The following CHD7 variants were observed in gnomAD, a reference collection of about 807,000 sequenced individuals.
The protein encoded by CHD7 is chromodomain helicase DNA binding protein 7.
Under a neutral mutation model 307.3 loss-of-function variants are expected in CHD7, and 24 were observed. That is an observed-to-expected ratio of 0.08 (90% CI 0.06 to 0.11). The LOEUF (loss-of-function observed/expected upper bound fraction) is 0.11, where lower values mean the gene tolerates loss of function less well. Among genes scored for constraint, CHD7 ranks in the 10% least tolerant of loss-of-function variants. The probability of loss-of-function intolerance (pLI) is 1.00; values close to 1 mark genes in which losing one functional copy is unlikely to be tolerated. For missense variants in CHD7, 3,106 were observed against 3,727.1 expected, an observed-to-expected ratio of 0.83 and a Z score of 4.34; for synonymous variants, 1,363 against 1,349.9, an observed-to-expected ratio of 1.01 and a Z score of -0.21.
intron 6 of CHD7, among the ~76,000 whole-genome samples, chr8:60,806,255 C>T (rs180868753): frequency 1.5e-4 from 23 of 152,032 alleles, no homozygotes; most frequent in Admixed American, 1.5e-3. Context: ...CCCAGCTACT[C>T]AGGAGGCTGA....
At position 60,848,576 on chromosome 8, in the gene CHD7, G is replaced by A. The variant is rs1563655389; in HGVS notation, c.5272G>A (p.Asp1758Asn). The change falls in exon 24 of 38, where the codon GAT becomes AAT. Residue 1758 changes from aspartate (D) to asparagine (N), a missense_variant. This residue lies in a region of CHD7 where 1,030 missense variants were observed against 1,165.4 expected (regional missense o/e 0.88). Coordinates refer to ENST00000423902, the MANE Select transcript of CHD7 (RefSeq NM_017780.4). ...ACAAGAAGTGATAGGAGACCAGGCG[G>A]ATAAGATCTTAGAGGGTGCTGACTC... is the stretch of plus-strand genomic sequence containing the variant. ...LRQEVIGDQA[D>N]KILEGADSSE... 4 of 1,613,492 alleles carry A rather than the reference G, an allele frequency of 2.5e-6. No individual in the cohort carries two copies. In the African/African-American group the frequency reaches 4.0e-5, roughly 16 times the overall value.
intron 2 of CHD7, among the ~76,000 whole-genome samples, chr8:60,753,619 CTTTTG>C (rs916318035): frequency 1.1e-4 from 16 of 151,588 alleles, no homozygotes; most frequent in Non-Finnish European, 1.8e-4. Context: ...GTTTTGTTTT[CTTTTG>C]TTTTGTTTTC....
At position 60,858,965 on chromosome 8, in the gene CHD7, G is replaced by A. The variant is rs182265777; in HGVS notation, c.7609-1939G>A. Among the ~76,000 whole-genome samples, 5 of 152,296 alleles carry A rather than the reference G, an allele frequency of 3.3e-5. No individual in the cohort carries two copies. In the East Asian group the frequency reaches 5.8e-4, roughly 18 times the overall value. ...GTTAGGAATTAATAATGCAACACAC[G>A]TGCTTTTTTCCTATTGCAAGTACAC... is the stretch of plus-strand genomic sequence containing the variant. On this transcript the variant is annotated intron_variant, in intron 34 of 37. Coordinates refer to ENST00000423902, the MANE Select transcript of CHD7 (RefSeq NM_017780.4).
chr8:60,722,691 C>T (rs1040243788), intron 1 of CHD7, among the ~76,000 whole-genome samples: 1 of 152,142 alleles, frequency 6.6e-6, no homozygotes, highest in Non-Finnish European at 1.5e-5. Flanking sequence ...GAGTGAGATT[C>T]CTTCCTATTT....
chr8:60,853,988 G>A (rs566353120), intron 31 of CHD7, among the ~76,000 whole-genome samples: 7 of 152,206 alleles, frequency 4.6e-5, no homozygotes, highest in Non-Finnish European at 8.8e-5. Context: ...AATAGAGCAC[G>A]TACTGTGCTG....
chr8:60,679,346 C>T (rs1313516925), intron 1 of CHD7, among the ~76,000 whole-genome samples: 3 of 145,276 alleles, frequency 2.1e-5, no homozygotes, highest in South Asian at 2.1e-4. Context: ...CAACTTTTGC[C>T]TGCGTCCGCC....
chr8:60,741,439 G>A lies in CHD7; in HGVS notation c.7G>A (p.Asp3Asn), dbSNP rs1357950918. MA[D>N]PGMMSLFGED... is the part of the protein sequence containing the mutation. ...AGCCGTGTGTTGGAAGAAGATGGCA[G>A]ATCCAGGAATGATGAGTCTTTTTGG... Residue 3 changes from aspartate (D) to asparagine (N), a missense_variant, in exon 2 of 38, where the codon GAT becomes AAT. This residue lies in a region of CHD7 where 998 missense variants were observed against 1,004.5 expected (regional missense o/e 0.99). Transcript: ENST00000423902. The A allele has an allele frequency of 1.2e-6, 2 of 1,602,636 alleles. No homozygotes were observed. The highest frequency in any genetic ancestry group is 2.2e-5 in the East Asian group (1 of 44,654).
intron 1 of CHD7, among the ~76,000 whole-genome samples, chr8:60,698,794 CT>C (rs1218544011): frequency 1.3e-5 from 2 of 152,072 alleles, no homozygotes; most frequent in African/African-American, 4.8e-5. Flanking sequence ...TTCTCTTTTT[CT>C]TTTCTTTTTG....
intron 1 of CHD7, among the ~76,000 whole-genome samples, chr8:60,692,511 A>C (rs1349912375): frequency 6.6e-6 from 1 of 152,274 alleles, no homozygotes; most frequent in East Asian, 1.9e-4. Flanking sequence ...GGCATATAAT[A>C]CATTTAAAAT....
At position 60,699,460 on chromosome 8, in the gene CHD7, A is replaced by G. The variant is rs76135640; in HGVS notation, c.-175+20378A>G. 5.2e-3 allele frequency among the ~76,000 whole-genome samples: 788 copies of G among 152,278 alleles called. 10 individuals carry two copies. The highest frequency in any genetic ancestry group is 0.018 in the African/African-American group (734 of 41,536). On this transcript the variant is annotated intron_variant, in intron 1 of 37. Coordinates refer to ENST00000423902, the MANE Select transcript of CHD7 (RefSeq NM_017780.4). ...TTGATGATTTAACTGTTTTGTTTCT[A>G]ATCACCTAGAGGGAGCCAGCGTAAT...
rs1808989933 is a variant in CHD7 at position 60,741,331 on chromosome 8, G to T, written c.-102G>T. The T allele has an allele frequency of 2.5e-6, 2 of 793,066 alleles. No homozygotes were observed. The highest frequency in any genetic ancestry group is 2.8e-5 in the Admixed American group (1 of 35,148). The allele number at this position is 793,066 out of a possible 1,614,324, so 49.1% of individuals were successfully genotyped here. A position where few individuals can be genotyped will look rare whatever the true frequency, so the allele number is the denominator to read the frequency against. On this transcript the variant is annotated 5_prime_UTR_variant, in exon 2 of 38. Transcript: ENST00000423902. ...AAGAAATATGGAATGACATGAAGAA[G>T]ATTAGTTAAGGATTATAGGCTTTGA...
chr8:60,738,459 T>G (rs1356517204), intron 1 of CHD7, among the ~76,000 whole-genome samples: 1 of 152,214 alleles, frequency 6.6e-6, no homozygotes, highest in Non-Finnish European at 1.5e-5. Flanking sequence ...ACAGAAAATC[T>G]AGATATTGAG....
At chr8:60,832,512 A>C (rs1468334655) in intron 15 of CHD7, among the ~76,000 whole-genome samples, 2 of 152,186 alleles carry the variant, frequency 1.3e-5, no homozygotes, top group Non-Finnish European at 2.9e-5. Context: ...ATGGAGCGAG[A>C]TGAGGACACG....
At position 60,866,186 on chromosome 8, in the gene CHD7, A is replaced by T. The variant is rs1806236602; in HGVS notation, c.*253A>T. On this transcript the variant is annotated 3_prime_UTR_variant, in exon 38 of 38. Coordinates refer to ENST00000423902, the MANE Select transcript of CHD7 (RefSeq NM_017780.4). ...TGATCATGTCTTTTTAAGGAAACTTACATAATGCTCTGCTTTTTTTTTTTC... is the reference window on the plus strand; with the variant it reads ...TGATCATGTCTTTTTAAGGAAACTTTCATAATGCTCTGCTTTTTTTTTTTC... 2.8e-6 allele frequency: 1 copy of T among 353,976 alleles called. No individual in the cohort carries two copies. The highest frequency in any genetic ancestry group is 2.1e-5 in the African/African-American group (1 of 47,854). The allele number at this position is 353,976 out of a possible 1,614,324, so 21.9% of individuals were successfully genotyped here. A position where few individuals can be genotyped will look rare whatever the true frequency, so the allele number is the denominator to read the frequency against.
rs1805049039 is a variant in CHD7, at chr8:60,843,179, G to A, written c.4850+1127G>A. On this transcript the variant is annotated intron_variant, in intron 21 of 37. Transcript: ENST00000423902. ...CATTGTGCCCTCAGTGTGTAGTGCA[G>A]TGTGAGCAGACACACAGTGCTGATA... Among the ~76,000 whole-genome samples the A allele has an allele frequency of 3.3e-5, 5 of 152,204 alleles. No individual in the cohort carries two copies. In the South Asian group the frequency reaches 1.0e-3, roughly 32 times the overall value.
intron 23 of CHD7, among the ~76,000 whole-genome samples, chr8:60,847,041 T>C (rs926445572): frequency 1.3e-5 from 2 of 152,198 alleles, no homozygotes; most frequent in African/African-American, 4.8e-5. Flanking sequence ...TTAGAAAATA[T>C]CTGGTCAGTA....
intron 1 of CHD7, among the ~76,000 whole-genome samples, chr8:60,732,375 C>T (rs1479707779): frequency 6.6e-6 from 1 of 152,240 alleles, no homozygotes; most frequent in East Asian, 1.9e-4. Context: ...GCTGCTTTCT[C>T]AGCCCCTCTG....
At chr8:60,850,878 G>A (rs111642935) in intron 26 of CHD7, 154 bp from the exon 27 acceptor site, 1 of 688,480 alleles carries the variant, frequency 1.5e-6, no homozygotes, top group Non-Finnish European at 2.4e-6. Context: ...ACACTGCCAT[G>A]GCTGCATGTT....
intron 2 of CHD7, among the ~76,000 whole-genome samples, chr8:60,752,854 T>G (rs1412816441): frequency 6.6e-6 from 1 of 152,246 alleles, no homozygotes; most frequent in Non-Finnish European, 1.5e-5. Flanking sequence ...AGAAATAAAC[T>G]GTGGGGAACT....
Sources: allele counts gnomAD v4.1 joint callset (sites outside exome capture counted in the v4.1 genomes callset), GRCh38; gene constraint gnomAD v4.1.1; regional missense constraint gnomAD v4.1.1; transcripts MANE v1.5; gene names NCBI Gene and HGNC (gene_info 2026-07-23, HGNC 2026-07-21).